Variants in SLC5A12 observed in about 807,000 individuals in gnomAD.
SLC5A12 encodes the protein solute carrier family 5 member 12.
A neutral mutation model predicts 72.7 loss-of-function variants in SLC5A12; 46 were observed. That is an observed-to-expected ratio of 0.63 (90% CI 0.50 to 0.81). The LOEUF (loss-of-function observed/expected upper bound fraction) is 0.81. Ranked by LOEUF, SLC5A12 falls within the 30% of genes least tolerant of loss-of-function variation. The probability of loss-of-function intolerance (pLI) is 0.00; values close to 1 mark genes in which losing one functional copy is unlikely to be tolerated. For synonymous variants in SLC5A12, 275 were observed against 264.4 expected, an observed-to-expected ratio of 1.04 and a Z score of -0.39; for missense variants, 683 against 740.7, an observed-to-expected ratio of 0.92 and a Z score of 0.90.
At chr11:26,711,134 A>C (rs1188750813) in intron 3 of SLC5A12, among the ~76,000 whole-genome samples, 173 bp downstream of exon 3, 1 of 152,152 alleles carries the variant, frequency 6.6e-6, no homozygotes, top group East Asian at 1.9e-4. Context: ...TGTTTGCATT[A>C]TTTTCAATGT....
At chr11:26,709,883 CT>C (rs144245431) in intron 3 of SLC5A12, among the ~76,000 whole-genome samples, 2 of 151,938 alleles carry the variant, frequency 1.3e-5, no homozygotes, top group Non-Finnish European at 2.9e-5. Flanking sequence ...AGATCTTTGA[CT>C]TTTTTTCTAG....
intron 11 of SLC5A12, among the ~76,000 whole-genome samples, chr11:26,682,584 G>A (rs571966201): frequency 6.6e-6 from 1 of 152,252 alleles, no homozygotes; most frequent in East Asian, 1.9e-4. Context: ...CTAGGCAAAG[G>A]CCATGTCTTA....
At chr11:26,696,020 A>G (rs142218420) in intron 8 of SLC5A12, among the ~76,000 whole-genome samples, 1,550 of 152,316 alleles carry the variant, frequency 0.01, 27 homozygotes, top group African/African-American at 0.031. Context: ...CAATACAAAT[A>G]TCACATATTC....
chr11:26,704,047 A>G (rs1054902402), intron 4 of SLC5A12, 100 bp from the exon 5 acceptor site: 4 of 1,269,688 alleles, frequency 3.2e-6, no homozygotes, highest in Middle Eastern at 1.9e-4. Flanking sequence ...TCTTTTGTTT[A>G]TTCAGCATCA....
Position 26,686,481 on chromosome 11 carries a change from A to G in SLC5A12, c.1217T>C (p.Val406Ala). Reference protein sequence around the residue: ...AVAASVMGGVVQASLSIHGMC... With the variant: ...AVAASVMGGVAQASLSIHGMC... The stretch of plus-strand genomic sequence containing the variant: ...GTCTTTTCCTTCTTTCGTTACCTGC[A>G]CAACACCTCCCATGACAGATGCAGC... The change falls in exon 10 of 15, where the codon GTG (valine) becomes GCG (alanine). Residue 406 changes from valine (V) to alanine (A), a missense_variant. Physicochemically the swap from Val to Ala is moderately conservative, Grantham distance 64. Coordinates refer to ENST00000396005, the MANE Select transcript of SLC5A12 (RefSeq NM_178498.4). 2 of 1,613,966 alleles carry G rather than the reference A, an allele frequency of 1.2e-6. No homozygotes were observed. Among genetic ancestry groups the G allele is most frequent in the Non-Finnish European group, 1.7e-6 (2 of 1,179,882 alleles).
chr11:26,710,183 C>A (rs1855189255), intron 3 of SLC5A12, among the ~76,000 whole-genome samples: 1 of 152,122 alleles, frequency 6.6e-6, no homozygotes, highest in Non-Finnish European at 1.5e-5. Context: ...CATGTCCCTA[C>A]AAAGGACATG....
intron 9 of SLC5A12, among the ~76,000 whole-genome samples, chr11:26,689,678 T>C (rs1297760258): frequency 6.6e-6 from 1 of 152,164 alleles, no homozygotes; most frequent in Non-Finnish European, 1.5e-5. Context: ...TTTTTTTACA[T>C]TTAAAAAAAC....
Position 26,668,977 on chromosome 11 carries a change from T to C in SLC5A12, c.*2125A>G, listed in dbSNP as rs1158206846. 6.6e-6 allele frequency: 1 copy of C among 151,982 alleles called. No individual in the cohort carries two copies. The highest frequency in any genetic ancestry group is 1.5e-5 in the Non-Finnish European group (1 of 67,956). 9.4% of individuals were successfully genotyped at this position (151,982 alleles called of 1,614,324 possible). ...TTTGTGAGTAAAATGAAAAATTGTA[T>C]GGTATATTTTGCTTTTATGCTATCC... On this transcript the variant is annotated 3_prime_UTR_variant, in exon 15 of 15. Coordinates refer to ENST00000396005, the MANE Select transcript of SLC5A12 (RefSeq NM_178498.4).
At chr11:26,675,215 A>T (rs1390108823) in intron 13 of SLC5A12, among the ~76,000 whole-genome samples, 2 of 152,154 alleles carry the variant, frequency 1.3e-5, no homozygotes, top group Non-Finnish European at 2.9e-5. Flanking sequence ...TTGTCTCTTA[A>T]GAGCAGGTCC....
chr11:26,687,974 GAC>G, intron 9 of SLC5A12, among the ~76,000 whole-genome samples: 1 of 152,294 alleles, frequency 6.6e-6, no homozygotes, highest in South Asian at 2.1e-4. Flanking sequence ...ACAGAAGAAA[GAC>G]ATGTTTTTTC....
chr11:26,689,262 G>A (rs930864061), intron 9 of SLC5A12, among the ~76,000 whole-genome samples: 1 of 152,072 alleles, frequency 6.6e-6, no homozygotes, highest in African/African-American at 2.4e-5. Context: ...GCCGGGTGTC[G>A]TGGCATGCGC....
chr11:26,721,587 A>G lies in SLC5A12; in HGVS notation c.128T>C (p.Val43Ala). ...RKKATSREFL[V>A]GGRQMSFGPV... ...GCCAAAGCTCATTTGCCTTCCCCCA[A>G]CCAGGAACTCTCGGGAAGTTGCCTT... Residue 43 changes from valine (V) to alanine (A), a missense_variant, in exon 1 of 15, where the codon GTT (valine) becomes GCT (alanine). By Grantham distance (64) the Val-to-Ala change is moderately conservative. Coordinates refer to ENST00000396005, the MANE Select transcript of SLC5A12 (RefSeq NM_178498.4). The G allele has an allele frequency of 6.2e-7, 1 of 1,614,136 alleles. No individual in the cohort carries two copies. The highest frequency in any genetic ancestry group is 8.5e-7 in the Non-Finnish European group (1 of 1,180,018).
intron 11 of SLC5A12, among the ~76,000 whole-genome samples, chr11:26,682,707 C>G (rs896171922): frequency 6.6e-6 from 1 of 152,122 alleles, no homozygotes; most frequent in Non-Finnish European, 1.5e-5. Flanking sequence ...CTACAATGTA[C>G]TAACATAGAT....
In SLC5A12 at chr11:26,683,683, G is replaced by A. The variant is rs563723788; in HGVS notation, c.1308+74C>T. On this transcript the variant is annotated intron_variant, in intron 11 of 14. Transcript: ENST00000396005. ...CTAAGACAGATAGCTTTTCTAAACA[G>A]GGCTGAGAGGAGAGAGAAAACGGCT... 329 of 1,215,330 alleles carry A rather than the reference G, an allele frequency of 2.7e-4. No individual in the cohort carries two copies. The African/African-American group carries it at 4.4e-3, about 16-fold the overall frequency. The allele number at this position is 1,215,330 out of a possible 1,614,324, so 75.3% of individuals were successfully genotyped here. A position where few individuals can be genotyped will look rare whatever the true frequency, so the allele number is the denominator to read the frequency against.
rs139478059 is a variant in SLC5A12, at chr11:26,692,522, C to T, written c.1120G>A (p.Asp374Asn). ...TTACTGATCCAGGTGCTCAGCTTGT[C>T]GGAGAGATGAGGAAAACAGCTCTTG... ...FVKSCFPHLS[D>N]KLSTWISKGL... is the part of the protein sequence containing the mutation. The change falls in exon 9 of 15, where the codon GAC becomes AAC. Residue 374 changes from aspartate to asparagine, a missense_variant. Coordinates refer to ENST00000396005, the MANE Select transcript of SLC5A12 (RefSeq NM_178498.4). The T allele has an allele frequency of 6.9e-5, 111 of 1,613,840 alleles. No individual in the cohort carries two copies. The African/African-American group carries it at 1.2e-3, about 17-fold the overall frequency.
intron 13 of SLC5A12, 146 bp downstream of exon 13, chr11:26,678,566 T>C (rs915419736): frequency 8.3e-6 from 5 of 602,960 alleles, no homozygotes; most frequent in Non-Finnish European, 1.5e-5. Context: ...CCTTTGTATG[T>C]CAGCGTTGAG....
chr11:26,685,987 A>C (rs1297716988), intron 10 of SLC5A12, among the ~76,000 whole-genome samples: 1 of 152,166 alleles, frequency 6.6e-6, no homozygotes, highest in Admixed American at 6.6e-5. Context: ...TGAGACAGTT[A>C]CTTCCTAGTT....
intron 9 of SLC5A12, among the ~76,000 whole-genome samples, chr11:26,690,204 C>G (rs1854633403): frequency 1.3e-5 from 2 of 151,934 alleles, no homozygotes; most frequent in Admixed American, 6.6e-5. Flanking sequence ...ATGCAGTAAA[C>G]TTTAAAGTTA....
intron 6 of SLC5A12, among the ~76,000 whole-genome samples, chr11:26,702,885 A>T (rs1232443349): frequency 1.3e-5 from 2 of 152,210 alleles, no homozygotes; most frequent in Admixed American, 1.3e-4. Flanking sequence ...CTTAATGCTA[A>T]CTACTCAGAA....
Sources: allele counts gnomAD v4.1 joint callset (sites outside exome capture counted in the v4.1 genomes callset), GRCh38; gene constraint gnomAD v4.1.1; transcripts MANE v1.5; gene names NCBI Gene and HGNC (gene_info 2026-07-23, HGNC 2026-07-21).